The following NAV2 variants were observed in gnomAD, a reference collection of about 807,000 sequenced individuals.
NAV2 encodes neuron navigator 2, also known as helicase, APC down-regulated 1.
Under a neutral mutation model 223.2 loss-of-function variants are expected in NAV2, and 54 were observed. The ratio of observed to expected loss-of-function variants is 0.24; its 90% CI spans 0.19 to 0.30. The LOEUF is 0.30. Ranked by LOEUF, NAV2 falls within the 10% of genes least tolerant of loss-of-function variation. NAV2 has a pLI of 1.00. For missense variants in NAV2, 2,806 were observed against 3,147.5 expected, an observed-to-expected ratio of 0.89 and a Z score of 2.60; for synonymous variants, 1,279 against 1,239.3, an observed-to-expected ratio of 1.03 and a Z score of -0.67.
intron 3 of NAV2, among the ~76,000 whole-genome samples, chr11:19,849,612 G>C (rs2061003189): frequency 6.6e-6 from 1 of 152,214 alleles, no homozygotes; most frequent in East Asian, 1.9e-4. Context: ...ACAGCTGCCA[G>C]AAAGCCGGCC....
rs2052915914 is a variant in NAV2 at position 19,742,328 on chromosome 11, T to G, written c.267+28366T>G. Among the ~76,000 whole-genome samples, 3 of 152,354 alleles carry G rather than the reference T, an allele frequency of 2.0e-5. No homozygotes were observed. The South Asian group carries it at 6.2e-4, about 32-fold the overall frequency. On this transcript the variant is annotated intron_variant, in intron 1 of 37. Coordinates refer to ENST00000349880, the MANE Select transcript of NAV2 (RefSeq NM_145117.5). The stretch of plus-strand genomic sequence containing the variant: ...ATCTGTAAAACAAGGGTGATAAAAG[T>G]ACTTGCCTCATACATTCTTTGTGAG...
chr11:19,756,469 G>A (rs974851085), intron 1 of NAV2, among the ~76,000 whole-genome samples: 3 of 152,168 alleles, frequency 2.0e-5, no homozygotes, highest in Admixed American at 6.5e-5. Flanking sequence ...GCGCGCAAGG[G>A]GCAGTCATGA....
At chr11:19,683,304 G>GT (rs1226084181) in intron 1 of NAV2, among the ~76,000 whole-genome samples, 1 of 152,168 alleles carries the variant, frequency 6.6e-6, no homozygotes, top group Non-Finnish European at 1.5e-5. Context: ...GGGTTGCGGG[G>GT]TGTAACAGAA....
chr11:19,354,170 G>T (rs1824542369), intron 1 of NAV2, among the ~76,000 whole-genome samples: 1 of 152,176 alleles, frequency 6.6e-6, no homozygotes, highest in Non-Finnish European at 1.5e-5. Context: ...GCCTCCTTGT[G>T]CCAGGCACCT....
At chr11:20,043,193 T>C (rs1176855165) in intron 12 of NAV2, among the ~76,000 whole-genome samples, 2 of 152,100 alleles carry the variant, frequency 1.3e-5, no homozygotes, top group Non-Finnish European at 2.9e-5. Context: ...CCTTGCTTGG[T>C]GTGTTAGATC....
intron 1 of NAV2, among the ~76,000 whole-genome samples, chr11:19,581,523 C>A (rs568482794): frequency 2.0e-5 from 3 of 152,168 alleles, no homozygotes; most frequent in Non-Finnish European, 2.9e-5. Context: ...CCCTCTCCCC[C>A]ACCCCACAAC....
intron 6 of NAV2, among the ~76,000 whole-genome samples, chr11:19,903,667 A>AG (rs1318321697): frequency 2.0e-5 from 3 of 151,570 alleles, no homozygotes; most frequent in Non-Finnish European, 4.4e-5. Context: ...AAAAAAAAAA[A>AG]GTCCTTTGGC....
intron 1 of NAV2, among the ~76,000 whole-genome samples, chr11:19,742,747 C>T (rs1024573090): frequency 1.3e-5 from 2 of 152,208 alleles, no homozygotes; most frequent in Admixed American, 6.5e-5. Flanking sequence ...TAAAAGCCAC[C>T]TCTGCCCTTG....
intron 26 of NAV2, among the ~76,000 whole-genome samples, chr11:20,088,956 T>A (rs1054675417): frequency 9.9e-5 from 15 of 150,890 alleles, no homozygotes; most frequent in African/African-American, 3.7e-4. Flanking sequence ...CATAGTCTTC[T>A]CAAGATAGAA....
intron 6 of NAV2, among the ~76,000 whole-genome samples, chr11:19,928,995 C>T (rs574606209): frequency 6.6e-6 from 1 of 152,242 alleles, no homozygotes; most frequent in South Asian, 2.1e-4. Flanking sequence ...TGGCTCACAC[C>T]TGTAATCCCA....
intron 6 of NAV2, 106 bp downstream of exon 6, chr11:19,892,700 G>C: frequency 1.6e-6 from 2 of 1,231,294 alleles, no homozygotes; most frequent in Non-Finnish European, 2.2e-6. Flanking sequence ...TTGCATCTGT[G>C]TTGAGAATGA....
chr11:19,461,236 A>C (rs1381432824), intron 1 of NAV2, among the ~76,000 whole-genome samples: 1 of 152,194 alleles, frequency 6.6e-6, no homozygotes, highest in African/African-American at 2.4e-5. Flanking sequence ...CAGCCTGCAC[A>C]GAATGATCAT....
At chr11:19,631,960 T>C (rs1006201672) in intron 1 of NAV2, among the ~76,000 whole-genome samples, 3 of 152,260 alleles carry the variant, frequency 2.0e-5, no homozygotes, top group Non-Finnish European at 2.9e-5. Context: ...CGCCAATCTT[T>C]CACCAGCCTC....
At chr11:19,927,106 A>C (rs1256232523) in intron 6 of NAV2, among the ~76,000 whole-genome samples, 1 of 152,168 alleles carries the variant, frequency 6.6e-6, no homozygotes, top group Non-Finnish European at 1.5e-5. Context: ...GAGGATTAAT[A>C]CTCTCTCTAA....
chr11:19,818,231 ATTTTTTTTTTTT>A (rs34649376), intron 1 of NAV2, among the ~76,000 whole-genome samples: 6 of 56,038 alleles, frequency 1.1e-4, no homozygotes, highest in South Asian at 9.7e-4. Flanking sequence ...GTATTTAGTG[ATTTTTTTTTTTT>A]TTTTTTTTTT....
At chr11:19,937,419 T>C (rs1198831596) in intron 7 of NAV2, among the ~76,000 whole-genome samples, 7 of 150,332 alleles carry the variant, frequency 4.7e-5, no homozygotes, top group Non-Finnish European at 8.9e-5. Context: ...AGATGGGTCA[T>C]TTTTTTAAAA....
intron 1 of NAV2, among the ~76,000 whole-genome samples, chr11:19,823,776 C>T (rs1008834769): frequency 2.0e-5 from 3 of 151,952 alleles, no homozygotes; most frequent in Non-Finnish European, 4.4e-5. Context: ...GTCGGGGACT[C>T]GGGGGCTAGG....
intron 10 of NAV2, among the ~76,000 whole-genome samples, chr11:19,950,281 A>G (rs1207465428): frequency 2.0e-5 from 3 of 152,180 alleles, no homozygotes; most frequent in Admixed American, 6.6e-5. Flanking sequence ...TAACTCTCCT[A>G]TATGCCAAAC....
At chr11:20,099,989 G>A (rs1339064618) in intron 31 of NAV2, among the ~76,000 whole-genome samples, 4 of 152,096 alleles carry the variant, frequency 2.6e-5, no homozygotes, top group Non-Finnish European at 5.9e-5. Context: ...TGTTCATTCT[G>A]GAAGAGTCAT....
Sources: allele counts gnomAD v4.1 joint callset (sites outside exome capture counted in the v4.1 genomes callset), GRCh38; gene constraint gnomAD v4.1.1; transcripts MANE v1.5; gene names NCBI Gene and HGNC (gene_info 2026-07-23, HGNC 2026-07-21).